CREB5: variants seen among roughly 807,000 people sequenced by gnomAD.
CREB5 encodes the protein cyclic AMP-responsive element-binding protein 5.
In CREB5, 19 loss-of-function variants were observed where a neutral mutation model predicts 57.1. The observed-to-expected ratio is 0.33, with a 90% CI of 0.23 to 0.49. The LOEUF (loss-of-function observed/expected upper bound fraction) is 0.49. Ranked by LOEUF, CREB5 falls within the 20% of genes least tolerant of loss-of-function variation. The pLI, the probability that CREB5 is intolerant of heterozygous loss-of-function variation, is 0.99. For synonymous variants in CREB5, 238 were observed against 238.3 expected (o/e 1.00, Z 0.01); for missense variants, 579 against 671.6 (o/e 0.86, Z 1.52).
chr7:28,690,587 G>A (rs995697467), intron 5 of CREB5, among the ~76,000 whole-genome samples: 3 of 152,178 alleles, frequency 2.0e-5, no homozygotes, highest in Non-Finnish European at 4.4e-5. Context: ...CTGTGCCACA[G>A]TTCCTACCTT....
chr7:28,664,301 A>T (rs189029744), intron 5 of CREB5, among the ~76,000 whole-genome samples: 2 of 152,354 alleles, frequency 1.3e-5, no homozygotes, highest in East Asian at 3.9e-4. Flanking sequence ...GATTAGCTTG[A>T]AGAGCCAATT....
chr7:28,331,599 A>C (rs1473243549), intron 1 of CREB5, among the ~76,000 whole-genome samples: 1 of 152,030 alleles, frequency 6.6e-6, no homozygotes, highest in African/African-American at 2.4e-5. Flanking sequence ...TGCTTTTAGA[A>C]AGAATTTTGG....
chr7:28,369,051 AC>A (rs1176414702), intron 1 of CREB5, among the ~76,000 whole-genome samples: 1 of 137,978 alleles, frequency 7.2e-6, no homozygotes, highest in African/African-American at 2.6e-5. Flanking sequence ...CCTCAAAAAA[AC>A]AAAACAAACA....
chr7:28,365,516 C>A (rs1786569296), intron 1 of CREB5, among the ~76,000 whole-genome samples: 1 of 152,128 alleles, frequency 6.6e-6, no homozygotes, highest in African/African-American at 2.4e-5. Context: ...ATCTTTATCT[C>A]CCTTCTCTTG....
chr7:28,476,500 A>G (rs1791073427), intron 1 of CREB5, among the ~76,000 whole-genome samples: 2 of 152,094 alleles, frequency 1.3e-5, no homozygotes, highest in Admixed American at 1.3e-4. Flanking sequence ...GATAAAATCT[A>G]TATCACCTAT....
At position 28,570,446 on chromosome 7, in the gene CREB5, C is replaced by A. The variant is rs1044493052; in HGVS notation, c.373C>A (p.His125Asn). The stretch of plus-strand genomic sequence containing the variant: ...GCTTAGCAGCGCTCGGCTGCCCAAC[C>A]ATGACACCAACGTTGTGATTCAGCA... ...HQLSSARLPNHDTNVVIQQAM... is the reference protein window; with the variant it reads ...HQLSSARLPNNDTNVVIQQAM... The change falls in exon 5 of 11, where the codon CAT (histidine) becomes AAT (asparagine). Residue 125 changes from histidine (H) to asparagine (N), a missense_variant. His to Asn is a moderately conservative substitution (Grantham distance 68). Coordinates refer to ENST00000357727, the MANE Select transcript of CREB5 (RefSeq NM_182898.4). 3.1e-6 allele frequency: 5 copies of A among 1,614,078 alleles called. No individual in the cohort carries two copies. The highest frequency in any genetic ancestry group is 3.4e-6 in the Non-Finnish European group (4 of 1,180,044).
chr7:28,798,119 C>G (rs2128796054), intron 7 of CREB5, among the ~76,000 whole-genome samples: 1 of 152,286 alleles, frequency 6.6e-6, no homozygotes, highest in South Asian at 2.1e-4. Flanking sequence ...TTGATACTTT[C>G]ACATTTTTTT....
chr7:28,673,657 C>CTTTTTTTT (rs549391329), intron 5 of CREB5, among the ~76,000 whole-genome samples: 5 of 55,728 alleles, frequency 9.0e-5, no homozygotes, highest in Non-Finnish European at 1.6e-4. Flanking sequence ...CTCTCTCTCT[C>CTTTTTTTT]TTTTTTTTTT....
intron 5 of CREB5, among the ~76,000 whole-genome samples, chr7:28,669,005 A>G (rs922801678): frequency 6.6e-6 from 1 of 152,208 alleles, no homozygotes; most frequent in Non-Finnish European, 1.5e-5. Context: ...GAAAGGCACC[A>G]ATACTGTGCA....
intron 1 of CREB5, among the ~76,000 whole-genome samples, chr7:28,346,321 T>G (rs1194925046): frequency 1.3e-5 from 2 of 152,240 alleles, no homozygotes; most frequent in East Asian, 1.9e-4. Flanking sequence ...GCTGAGGGCC[T>G]GTTCCCAGTT....
intron 5 of CREB5, among the ~76,000 whole-genome samples, chr7:28,653,001 T>TATAC (rs1466393905): frequency 1.3e-5 from 2 of 152,202 alleles, no homozygotes; most frequent in African/African-American, 4.8e-5. Flanking sequence ...TTGAGCTCTG[T>TATAC]AGCCACAGAC....
chr7:28,557,448 G>C (rs1794923175), intron 4 of CREB5, among the ~76,000 whole-genome samples: 2 of 151,966 alleles, frequency 1.3e-5, no homozygotes, highest in East Asian at 3.9e-4. Context: ...TGATGGTTAA[G>C]AAAAAAATAG....
intron 4 of CREB5, among the ~76,000 whole-genome samples, chr7:28,538,832 T>G (rs1344098475): frequency 1.3e-5 from 2 of 152,252 alleles, no homozygotes. Context: ...GTTTTCACTG[T>G]GATTTCATCT....
chr7:28,412,987 T>C, intron 1 of CREB5, 70 bp downstream of exon 1: 4 of 1,307,364 alleles, frequency 3.1e-6, no homozygotes, highest in Non-Finnish European at 2.0e-6. Context: ...AGAACCAATG[T>C]TGTATTTTCA....
chr7:28,514,492 T>C (rs1199529816), intron 4 of CREB5, among the ~76,000 whole-genome samples: 1 of 152,084 alleles, frequency 6.6e-6, no homozygotes. Context: ...GCCTCCCGGG[T>C]TCACGCCATT....
intron 5 of CREB5, among the ~76,000 whole-genome samples, chr7:28,587,030 A>C (rs2128661127): frequency 6.6e-6 from 1 of 152,378 alleles, no homozygotes; most frequent in African/African-American, 2.4e-5. Flanking sequence ...CTATGTGACC[A>C]ACCAAGATAA....
intron 7 of CREB5, among the ~76,000 whole-genome samples, chr7:28,752,023 G>C (rs543209979): frequency 1.3e-5 from 2 of 152,174 alleles, no homozygotes; most frequent in Admixed American, 1.3e-4. Flanking sequence ...GAATACTTCA[G>C]AGGTGATGTT....
intron 4 of CREB5, among the ~76,000 whole-genome samples, chr7:28,514,046 G>A (rs976221793): frequency 6.6e-6 from 1 of 152,232 alleles, no homozygotes; most frequent in East Asian, 1.9e-4. Flanking sequence ...GAAGCTGACA[G>A]CTTAGAGGAA....
At chr7:28,797,068 C>G (rs1276860325) in intron 7 of CREB5, among the ~76,000 whole-genome samples, 1 of 152,200 alleles carries the variant, frequency 6.6e-6, no homozygotes, top group Non-Finnish European at 1.5e-5. Flanking sequence ...TAAAGGCTCA[C>G]TCTTACAGAA....
Sources: gnomAD v4.1 joint callset for allele counts (sites outside exome capture counted in the v4.1 genomes callset) on GRCh38, gnomAD v4.1.1 for gene constraint, MANE v1.5 for transcripts, NCBI Gene and HGNC (gene_info 2026-07-23, HGNC 2026-07-21) for gene names.